Variants in QSER1 observed in about 807,000 individuals in gnomAD.
QSER1 encodes the protein glutamine and serine rich 1, also known as glutamine and serine-rich protein 1.
QSER1 carries 49 observed loss-of-function variants against 158.5 expected under a neutral mutation model. The ratio of observed to expected loss-of-function variants is 0.31; its 90% CI spans 0.25 to 0.39. The LOEUF is 0.39. Ranked by LOEUF, QSER1 falls within the 10% of genes least tolerant of loss-of-function variation. QSER1 has a pLI of 1.00. For missense variants in QSER1, 1,754 were observed against 2,010.3 expected (o/e 0.87, Z 2.44); for synonymous variants, 650 against 715.5 (o/e 0.91, Z 1.46).
intron 4 of QSER1, among the ~76,000 whole-genome samples, 179 bp downstream of exon 4, chr11:32,935,614 A>G (rs148561786): frequency 2.9e-4 from 44 of 152,332 alleles, no homozygotes; most frequent in African/African-American, 1.1e-3. Flanking sequence ...GGAAAGGTCT[A>G]TGTTTTAGGT....
chr11:32,934,771 A>C lies in QSER1; in HGVS notation c.3513A>C (p.Ala1171=), dbSNP rs367781818. 1.2e-6 allele frequency: 2 copies of C among 1,614,082 alleles called. No homozygotes were observed. Among genetic ancestry groups the C allele is most frequent in the Non-Finnish European group, 1.7e-6 (2 of 1,180,006 alleles). ...SGVSMNPARS[A]LALLAMAQSG... ...TGTCAATGAACCCAGCTAGGAGTGC[A>C]CTTGCACTGTTGGCCATGGCCCAAT... Residue 1171 remains alanine, a synonymous_variant, in exon 4 of 13, where the codon GCA becomes GCC. Coordinates refer to ENST00000650167, the MANE Select transcript of QSER1 (RefSeq NM_001076786.3).
intron 4 of QSER1, among the ~76,000 whole-genome samples, chr11:32,949,940 T>C (rs1333675444): frequency 1.3e-5 from 2 of 152,220 alleles, no homozygotes; most frequent in African/African-American, 2.4e-5. Context: ...AGTCTGGATT[T>C]GCCTCAGGCC....
chr11:32,969,695 T>G (rs1698436274), intron 10 of QSER1, among the ~76,000 whole-genome samples: 1 of 149,978 alleles, frequency 6.7e-6, no homozygotes, highest in South Asian at 2.1e-4. Flanking sequence ...TCTTTTTTTT[T>G]TTTTTTTGAG....
intron 1 of QSER1, among the ~76,000 whole-genome samples, chr11:32,925,184 A>G (rs1315376017): frequency 1.3e-5 from 2 of 152,342 alleles, no homozygotes; most frequent in East Asian, 1.9e-4. Context: ...TAATGTTGCA[A>G]TGAACATGCA....
Position 32,956,018 on chromosome 11 carries a change from A to G in QSER1, c.4648A>G (p.Lys1550Glu), listed in dbSNP as rs761414432. Residue 1550 changes from lysine to glutamate, a missense_variant, in exon 7 of 13, where the codon AAA becomes GAA. Around this residue, in one of 2 missense-constraint regions of QSER1, gnomAD observed 1,707 missense variants for 1,919.6 expected, o/e 0.89. Transcript: ENST00000650167. Reference sequence around the variant, plus strand: ...TGGATATTTTGGAGATGCAAAGAGTAAATACAAAAGAATATATGTGAAGTT... The same window carrying G: ...TGGATATTTTGGAGATGCAAAGAGTGAATACAAAAGAATATATGTGAAGTT... ...YLGYFGDAKS[K>E]YKRIYVKFIE... 6.2e-7 allele frequency: 1 copy of G among 1,608,630 alleles called. No individual in the cohort carries two copies. Among genetic ancestry groups the G allele is most frequent in the Admixed American group, 1.7e-5 (1 of 59,774 alleles).
chr11:32,903,971 C>T (rs1245300648), intron 1 of QSER1, among the ~76,000 whole-genome samples: 2 of 152,114 alleles, frequency 1.3e-5, no homozygotes, highest in African/African-American at 2.4e-5. Context: ...AAAAACTTAT[C>T]TGTTCCTTGG....
chr11:32,925,358 C>T (rs996634656), intron 1 of QSER1, among the ~76,000 whole-genome samples: 5 of 152,058 alleles, frequency 3.3e-5, no homozygotes, highest in African/African-American at 1.2e-4. Context: ...TGCACCTCCT[C>T]GTATGTTATC....
At chr11:32,975,464 A>T in intron 12 of QSER1, 121 bp downstream of exon 12, 4 of 1,523,458 alleles carry the variant, frequency 2.6e-6, no homozygotes, top group South Asian at 2.3e-5. Context: ...TATTTTGTCT[A>T]TGTATTCTGT....
At chr11:32,917,622 TCAAGAC>T (rs1158137315) in intron 1 of QSER1, among the ~76,000 whole-genome samples, 7 of 151,948 alleles carry the variant, frequency 4.6e-5, no homozygotes, top group African/African-American at 1.7e-4. Flanking sequence ...GATCAGGAGT[TCAAGAC>T]CAGCCTAGCC....
intron 9 of QSER1, 53 bp downstream of exon 9, chr11:32,966,490 A>G (rs952745446): frequency 1.3e-6 from 2 of 1,549,112 alleles, no homozygotes; most frequent in Admixed American, 2.0e-5. Flanking sequence ...AATTAAAAAA[A>G]GAAATCTTGT....
rs1399586079 is a variant in QSER1 at position 32,933,133 on chromosome 11, G to A, written c.1875G>A (p.Met625Ile). Reference protein sequence around the residue: ...DSSPTQNYISMHSSQNVQTQE... With the variant: ...DSSPTQNYISIHSSQNVQTQE... The stretch of plus-strand genomic sequence containing the variant: ...GCCCGACCCAGAATTATATTTCTAT[G>A]CATTCTTCCCAAAATGTTCAGACTC... Residue 625 changes from methionine (M) to isoleucine (I), a missense_variant, in exon 4 of 13, where the codon ATG becomes ATA. Met to Ile is a conservative substitution (Grantham distance 10, BLOSUM62 1). This residue lies in a region of QSER1 where 1,707 missense variants were observed against 1,919.6 expected (regional missense o/e 0.89). Transcript: ENST00000650167. The A allele has an allele frequency of 1.2e-6, 2 of 1,613,300 alleles. No individual in the cohort carries two copies. Among genetic ancestry groups the A allele is most frequent in the East Asian group, 4.5e-5 (2 of 44,882 alleles).
chr11:32,912,995 G>A (rs1198609098), intron 1 of QSER1, among the ~76,000 whole-genome samples: 1 of 151,826 alleles, frequency 6.6e-6, no homozygotes, highest in African/African-American at 2.4e-5. Flanking sequence ...TCCTTATTTT[G>A]GTATATAATA....
At chr11:32,916,805 G>A (rs1011919843) in intron 1 of QSER1, among the ~76,000 whole-genome samples, 2 of 148,014 alleles carry the variant, frequency 1.4e-5, no homozygotes, top group African/African-American at 5.0e-5. Flanking sequence ...TTGAGATGGA[G>A]TCTCAGAGTC....
At chr11:32,975,443 A>C in intron 12 of QSER1, 100 bp downstream of exon 12, 1 of 1,547,926 alleles carries the variant, frequency 6.5e-7, no homozygotes, top group Non-Finnish European at 8.7e-7. Flanking sequence ...TGTGAAATAC[A>C]TGTGTGTATG....
chr11:32,934,336 G>C lies in QSER1; in HGVS notation c.3078G>C (p.Arg1026Ser), dbSNP rs200018397. The change falls in exon 4 of 13, where the codon AGG becomes AGC. Residue 1026 changes from arginine to serine, a missense_variant. By Grantham distance (110) the Arg-to-Ser change is moderately radical. Transcript: ENST00000650167. ...KSHFQQSLDVRHVTSDFNSMT... is the reference protein window; with the variant it reads ...KSHFQQSLDVSHVTSDFNSMT... ...ATTTTCAGCAGTCATTAGATGTCAG[G>C]CATGTGACTTCAGATTTTAACTCTA... The C allele has an allele frequency of 2.0e-4, 320 of 1,613,900 alleles. No individual in the cohort carries two copies. The African/African-American group carries it at 3.8e-3, about 19-fold the overall frequency.
intron 12 of QSER1, 61 bp from the exon 13 acceptor site, chr11:32,976,273 G>A (rs1437397849): frequency 9.5e-6 from 13 of 1,363,440 alleles, no homozygotes; most frequent in Non-Finnish European, 3.0e-6. Flanking sequence ...ACCAGTACTT[G>A]TAGTTGAACT....
intron 8 of QSER1, among the ~76,000 whole-genome samples, chr11:32,959,958 G>A (rs1852592269): frequency 6.6e-6 from 1 of 151,978 alleles, no homozygotes; most frequent in African/African-American, 2.4e-5. Context: ...GTAGACACAG[G>A]GTCTCACTGT....
intron 4 of QSER1, among the ~76,000 whole-genome samples, chr11:32,935,682 G>A (rs758054521): frequency 4.6e-5 from 7 of 152,222 alleles, no homozygotes; most frequent in Non-Finnish European, 8.8e-5. Flanking sequence ...TGTACAGTAT[G>A]CCATCTAATC....
At chr11:32,923,001 CAT>C (rs1364196283) in intron 1 of QSER1, among the ~76,000 whole-genome samples, 1 of 152,184 alleles carries the variant, frequency 6.6e-6, no homozygotes, top group Non-Finnish European at 1.5e-5. Context: ...AACTTATGCA[CAT>C]GTGTATAGCA....
Sources: allele counts gnomAD v4.1 joint callset (sites outside exome capture counted in the v4.1 genomes callset), GRCh38; gene constraint gnomAD v4.1.1; regional missense constraint gnomAD v4.1.1; transcripts MANE v1.5; gene names NCBI Gene and HGNC (gene_info 2026-07-23, HGNC 2026-07-21).